NDST3: variants seen among roughly 807,000 people sequenced by gnomAD.
The protein encoded by NDST3 is bifunctional heparan sulfate N-deacetylase/N-sulfotransferase 3.
A neutral mutation model predicts 96.1 loss-of-function variants in NDST3; 58 were observed. That is an observed-to-expected ratio of 0.60 (90% CI 0.49 to 0.75). The LOEUF (loss-of-function observed/expected upper bound fraction) is 0.75. NDST3 is among the 30% of genes least tolerant of loss of function. The pLI, the probability that NDST3 is intolerant of heterozygous loss-of-function variation, is 0.00. For synonymous variants in NDST3, 333 were observed against 359.7 expected, an observed-to-expected ratio of 0.93 and a Z score of 0.84; for missense variants, 788 against 1,034.2, an observed-to-expected ratio of 0.76 and a Z score of 3.27.
At chr4:118,061,568 C>G (rs2110467759) in intron 2 of NDST3, among the ~76,000 whole-genome samples, 1 of 152,228 alleles carries the variant, frequency 6.6e-6, no homozygotes, top group African/African-American at 2.4e-5. Context: ...CCAGACATAC[C>G]ATGTATTTTA....
chr4:118,090,773 G>A (rs543102194), intron 2 of NDST3, among the ~76,000 whole-genome samples: 1 of 151,940 alleles, frequency 6.6e-6, no homozygotes, highest in Admixed American at 6.6e-5. Context: ...TGTCTCATGA[G>A]CTGGTCTCAG....
chr4:118,174,976 TA>T lies in NDST3; in HGVS notation c.1539+31294del, dbSNP rs1036973525. The stretch of plus-strand genomic sequence containing the variant: ...TTCCTTTCACATTTTATAATCCTCA[TA>T]AGATTAACAGCCAAAATCCATGACC... On this transcript the variant is annotated intron_variant, in intron 6 of 13. Coordinates refer to ENST00000296499, the MANE Select transcript of NDST3 (RefSeq NM_004784.3). Among the ~76,000 whole-genome samples, 83 of 152,100 alleles carry T rather than the reference TA, an allele frequency of 5.5e-4. 1 individual carries two copies. Among genetic ancestry groups the T allele is most frequent in the African/African-American group, 1.9e-3 (80 of 41,422 alleles).
chr4:118,148,277 G>A (rs547005887), intron 6 of NDST3, among the ~76,000 whole-genome samples: 79 of 152,236 alleles, frequency 5.2e-4, no homozygotes, highest in African/African-American at 1.8e-3. Context: ...CAGCCTGGGC[G>A]ACAGAGCGAG....
chr4:118,065,543 G>T (rs1468561888), intron 2 of NDST3, among the ~76,000 whole-genome samples: 2 of 152,060 alleles, frequency 1.3e-5, no homozygotes, highest in Non-Finnish European at 2.9e-5. Context: ...GTTTCTAGAA[G>T]TGCATCAATT....
intron 6 of NDST3, among the ~76,000 whole-genome samples, chr4:118,172,843 T>C (rs1447107867): frequency 6.6e-6 from 1 of 152,156 alleles, no homozygotes; most frequent in African/African-American, 2.4e-5. Flanking sequence ...TTCATTAAAA[T>C]GATACTTTTT....
intron 12 of NDST3, among the ~76,000 whole-genome samples, chr4:118,245,738 T>C (rs1214971603): frequency 6.6e-6 from 1 of 152,168 alleles, no homozygotes; most frequent in East Asian, 1.9e-4. Flanking sequence ...TATAAATTTT[T>C]AAGTGGTTGT....
intron 1 of NDST3, among the ~76,000 whole-genome samples, chr4:118,048,595 C>A (rs1053347430): frequency 1.3e-5 from 2 of 152,096 alleles, no homozygotes; most frequent in African/African-American, 4.8e-5. Flanking sequence ...TTAGATAAAA[C>A]AAACTTCAAA....
chr4:118,033,626 G>C (rs1456443351), upstream of NDST3: 1 of 151,712 alleles, frequency 6.6e-6, no homozygotes, highest in Non-Finnish European at 1.5e-5. Flanking sequence ...TGGCGAGGGC[G>C]GCGGAGGCGC....
chr4:118,136,296 A>G (rs1021443122), intron 4 of NDST3, among the ~76,000 whole-genome samples: 1 of 152,228 alleles, frequency 6.6e-6, no homozygotes, highest in African/African-American at 2.4e-5. Context: ...ACCAGAAATA[A>G]TAAAGTTACT....
At chr4:118,243,168 A>G (rs1211960942) in intron 12 of NDST3, among the ~76,000 whole-genome samples, 2 of 152,070 alleles carry the variant, frequency 1.3e-5, no homozygotes, top group African/African-American at 4.8e-5. Context: ...TGTGTTTTTC[A>G]GTATAAAACT....
intron 2 of NDST3, among the ~76,000 whole-genome samples, chr4:118,095,817 T>C (rs1560639122): frequency 6.6e-6 from 1 of 151,950 alleles, no homozygotes; most frequent in African/African-American, 2.4e-5. Context: ...AATAGAAGCA[T>C]ACAATATGTG....
At chr4:118,054,925 G>A (rs751195209) in intron 2 of NDST3, 34 bp downstream of exon 2, 1 of 1,601,096 alleles carries the variant, frequency 6.2e-7, no homozygotes, top group South Asian at 1.1e-5. Flanking sequence ...TCAAAGTTCA[G>A]TTCATCTTCC....
At chr4:118,160,693 G>C (rs1049363706) in intron 6 of NDST3, among the ~76,000 whole-genome samples, 1 of 152,172 alleles carries the variant, frequency 6.6e-6, no homozygotes, top group Non-Finnish European at 1.5e-5. Flanking sequence ...TCTTCACGTA[G>C]TTCTCGAGCC....
intron 6 of NDST3, among the ~76,000 whole-genome samples, chr4:118,207,406 G>A (rs770754210): frequency 6.9e-6 from 1 of 144,842 alleles, no homozygotes; most frequent in Admixed American, 6.8e-5. Context: ...TGAAGCAGAT[G>A]AGTGTAGATT....
At chr4:118,080,472 A>G (rs529702294) in intron 2 of NDST3, among the ~76,000 whole-genome samples, 27 of 152,324 alleles carry the variant, frequency 1.8e-4, no homozygotes, top group African/African-American at 6.3e-4. Context: ...ATGGCCACAT[A>G]TACTTAGATT....
At chr4:118,164,327 C>G (rs937099792) in intron 6 of NDST3, among the ~76,000 whole-genome samples, 1 of 152,052 alleles carries the variant, frequency 6.6e-6, no homozygotes, top group African/African-American at 2.4e-5. Flanking sequence ...ACAACAGACA[C>G]TTGGGCTGAC....
intron 4 of NDST3, among the ~76,000 whole-genome samples, chr4:118,122,851 G>A (rs1731717126): frequency 6.6e-6 from 1 of 152,134 alleles, no homozygotes; most frequent in Non-Finnish European, 1.5e-5. Context: ...CTGTGAGGTT[G>A]CTTATTCTCG....
chr4:118,034,565 C>G lies in NDST3; in HGVS notation c.-183C>G, dbSNP rs1724039843. Reference sequence around the variant, plus strand: ...TTCCATCTATTGCAACTTTCTCAAGCATTTTCAGCTCTGAACTTTAATTCC... The same window carrying G: ...TTCCATCTATTGCAACTTTCTCAAGGATTTTCAGCTCTGAACTTTAATTCC... On this transcript the variant is annotated 5_prime_UTR_variant, in exon 1 of 14. Coordinates refer to ENST00000296499, the MANE Select transcript of NDST3 (RefSeq NM_004784.3). The G allele has an allele frequency of 6.6e-6, 1 of 152,170 alleles. No homozygotes were observed. The highest frequency in any genetic ancestry group is 6.5e-5 in the Admixed American group (1 of 15,286). The allele number at this position is 152,170 out of a possible 1,614,324, so 9.4% of individuals were successfully genotyped here.
intron 1 of NDST3, among the ~76,000 whole-genome samples, chr4:118,035,675 G>T (rs888916748): frequency 6.6e-6 from 1 of 151,792 alleles, no homozygotes; most frequent in South Asian, 2.1e-4. Flanking sequence ...AACATATAAA[G>T]AGGCTTGCCT....
Sources: allele counts gnomAD v4.1 joint callset (sites outside exome capture counted in the v4.1 genomes callset), GRCh38; gene constraint gnomAD v4.1.1; transcripts MANE v1.5; gene names NCBI Gene and HGNC (gene_info 2026-07-23, HGNC 2026-07-21).